Variants in SNX29 observed in about 807,000 individuals in gnomAD.
SNX29 encodes the protein sorting nexin 29.
A neutral mutation model predicts 102.1 loss-of-function variants in SNX29; 78 were observed. The ratio of observed to expected loss-of-function variants is 0.76; its 90% CI spans 0.64 to 0.92. The LOEUF is 0.92. SNX29 is among the 40% of genes least tolerant of loss of function. SNX29 has a pLI of 0.00. For missense variants in SNX29, 1,280 were observed against 1,061.7 expected (o/e 1.21, Z -2.86); for synonymous variants, 580 against 414.5 (o/e 1.40, Z -4.85).
chr16:12,394,102 G>A (rs79298000), intron 16 of SNX29, among the ~76,000 whole-genome samples: 2,697 of 152,316 alleles, frequency 0.018, 65 homozygotes, highest in East Asian at 0.054. Flanking sequence ...TCTTCCTGCA[G>A]CAGCAACAGC....
At chr16:12,364,022 T>A (rs1048394075) in intron 16 of SNX29, among the ~76,000 whole-genome samples, 1 of 152,156 alleles carries the variant, frequency 6.6e-6, no homozygotes, top group African/African-American at 2.4e-5. Flanking sequence ...AGACAGGGTC[T>A]TGCTGTGTTG....
At chr16:12,547,516 T>A (rs1021508321) in intron 20 of SNX29, among the ~76,000 whole-genome samples, 3 of 152,030 alleles carry the variant, frequency 2.0e-5, no homozygotes, top group Admixed American at 6.6e-5. Flanking sequence ...AATGTGGGTG[T>A]GAGAGAAAGA....
intron 14 of SNX29, among the ~76,000 whole-genome samples, chr16:12,215,415 C>T (rs1038024367): frequency 1.3e-4 from 20 of 152,096 alleles, no homozygotes; most frequent in African/African-American, 4.1e-4. Flanking sequence ...TATCATCAAG[C>T]GCTTTGCCCC....
chr16:12,239,811 C>A (rs1397342455), intron 14 of SNX29, among the ~76,000 whole-genome samples: 14 of 125,548 alleles, frequency 1.1e-4, no homozygotes, highest in South Asian at 6.8e-4. Context: ...TAGACTGACA[C>A]CCTGTCTCAA....
At chr16:12,220,741 G>A (rs1338385879) in intron 14 of SNX29, among the ~76,000 whole-genome samples, 1 of 152,084 alleles carries the variant, frequency 6.6e-6, no homozygotes, top group Non-Finnish European at 1.5e-5. Flanking sequence ...AATTATTCAT[G>A]AAAATGATCT....
intron 20 of SNX29, among the ~76,000 whole-genome samples, chr16:12,565,840 G>A (rs1277183129): frequency 1.3e-5 from 2 of 151,960 alleles, no homozygotes; most frequent in African/African-American, 4.8e-5. Context: ...CCACACCTCT[G>A]CCTCCTCCGG....
intron 17 of SNX29, 111 bp downstream of exon 17, chr16:12,398,612 C>T (rs2083810019): frequency 1.6e-6 from 2 of 1,236,596 alleles, no homozygotes; most frequent in Non-Finnish European, 2.4e-6. Flanking sequence ...GAGACCCACA[C>T]AAGGTTGATG....
chr16:12,562,332 A>G (rs984159758), intron 20 of SNX29, among the ~76,000 whole-genome samples: 2 of 152,140 alleles, frequency 1.3e-5, no homozygotes, highest in East Asian at 3.9e-4. Context: ...CCTGCAGGGC[A>G]GATTCTGTGA....
At chr16:12,560,498 C>T (rs867060143) in intron 20 of SNX29, among the ~76,000 whole-genome samples, 1 of 152,146 alleles carries the variant, frequency 6.6e-6, no homozygotes, top group South Asian at 2.1e-4. Context: ...CTTTTCTGGG[C>T]ACGCCTGTCC....
chr16:12,190,228 C>A (rs531672392), intron 13 of SNX29, among the ~76,000 whole-genome samples: 1 of 152,192 alleles, frequency 6.6e-6, no homozygotes, highest in Admixed American at 6.5e-5. Flanking sequence ...TTTGGAGTTG[C>A]CCTGATGTCA....
At chr16:12,226,870 G>A (rs1036452204) in intron 14 of SNX29, among the ~76,000 whole-genome samples, 2 of 152,114 alleles carry the variant, frequency 1.3e-5, no homozygotes, top group Non-Finnish European at 2.9e-5. Flanking sequence ...GAGCCACCAC[G>A]CCCCACTGAG....
At chr16:12,040,940 A>G (rs2049856031) in intron 4 of SNX29, among the ~76,000 whole-genome samples, 1 of 151,002 alleles carries the variant, frequency 6.6e-6, no homozygotes, top group South Asian at 2.1e-4. Flanking sequence ...CAGCCTCCCA[A>G]GTAGCTGGGA....
intron 15 of SNX29, among the ~76,000 whole-genome samples, chr16:12,298,568 T>G (rs2080057074): frequency 6.6e-6 from 1 of 152,234 alleles, no homozygotes; most frequent in Non-Finnish European, 1.5e-5. Flanking sequence ...TAAGTTAACA[T>G]GTGTCTAACA....
intron 16 of SNX29, among the ~76,000 whole-genome samples, chr16:12,382,768 G>A (rs1296630110): frequency 6.6e-6 from 1 of 152,158 alleles, no homozygotes; most frequent in Non-Finnish European, 1.5e-5. Flanking sequence ...CTAGCCTCGG[G>A]TGGCTCCAGG....
At position 12,000,001 on chromosome 16, in the gene SNX29, G is replaced by T. The variant is rs754634194; in HGVS notation, c.69+643G>T. 9.3e-4 allele frequency among the ~76,000 whole-genome samples: 142 copies of T among 152,212 alleles called. 1 individual carries two copies. Among genetic ancestry groups the T allele is most frequent in the African/African-American group, 2.9e-3 (119 of 41,518 alleles). On this transcript the variant is annotated intron_variant, in intron 2 of 20. Coordinates refer to ENST00000566228, the MANE Select transcript of SNX29 (RefSeq NM_032167.5). ...CAACTCTGAGGGGTGCAGAGGTGGT[G>T]GTTTGGAGTTAGGACCCTCGAGCAC...
At chr16:12,405,060 C>T (rs968682177) in intron 18 of SNX29, among the ~76,000 whole-genome samples, 1 of 152,184 alleles carries the variant, frequency 6.6e-6, no homozygotes, top group East Asian at 1.9e-4. Flanking sequence ...CAAAAATCCT[C>T]TTCTCTTTGT....
chr16:12,224,338 T>C (rs1052358429), intron 14 of SNX29, among the ~76,000 whole-genome samples: 4 of 152,052 alleles, frequency 2.6e-5, no homozygotes, highest in Non-Finnish European at 5.9e-5. Flanking sequence ...CCGACAACTG[T>C]TTTTAGAGGG....
intron 11 of SNX29, among the ~76,000 whole-genome samples, chr16:12,084,639 G>T (rs2052072361): frequency 6.6e-6 from 1 of 152,196 alleles, no homozygotes; most frequent in African/African-American, 2.4e-5. Flanking sequence ...CCTGGGCTCA[G>T]GTTCCAGCTG....
intron 15 of SNX29, among the ~76,000 whole-genome samples, chr16:12,287,445 C>T (rs986730231): frequency 6.6e-6 from 1 of 152,174 alleles, no homozygotes; most frequent in Non-Finnish European, 1.5e-5. Flanking sequence ...ATATACTCAT[C>T]ACCCTACTTC....
Sources: gnomAD v4.1 joint callset for allele counts (sites outside exome capture counted in the v4.1 genomes callset) on GRCh38, gnomAD v4.1.1 for gene constraint, MANE v1.5 for transcripts, NCBI Gene and HGNC (gene_info 2026-07-23, HGNC 2026-07-21) for gene names.